Variants in ADD1 observed in about 807,000 individuals in gnomAD.
The protein encoded by ADD1 is alpha-adducin.
ADD1 carries 24 observed loss-of-function variants against 80.5 expected under a neutral mutation model. The ratio of observed to expected loss-of-function variants is 0.30; its 90% CI spans 0.22 to 0.42. The LOEUF (loss-of-function observed/expected upper bound fraction) is 0.42, where lower values mean the gene tolerates loss of function less well. Ranked by LOEUF, ADD1 falls within the 10% of genes least tolerant of loss-of-function variation. The pLI is 1.00. For synonymous variants in ADD1, 373 were observed against 393.8 expected, an observed-to-expected ratio of 0.95 and a Z score of 0.63; for missense variants, 948 against 1,019.0, an observed-to-expected ratio of 0.93 and a Z score of 0.95.
At position 2,875,954 on chromosome 4, in the gene ADD1, AC is replaced by A; in HGVS notation, c.44del (p.Pro15ArgfsTer14). The A allele has an allele frequency of 6.2e-7, 1 of 1,612,736 alleles. No homozygotes were observed. The highest frequency in any genetic ancestry group is 8.5e-7 in the Non-Finnish European group (1 of 1,179,378). On this transcript the variant is annotated frameshift_variant, in exon 2 of 16. Transcript: ENST00000683351. LOFTEE classifies it high-confidence loss of function. ...DSRAAVVTSP[P>X]PTTAPHKERY... Reference sequence around the variant, plus strand: ...CTCGTGCTGCGGTGGTGACCTCACCACCCCCGACCACAGCCCCTCACAAGGA... The same window carrying A: ...CTCGTGCTGCGGTGGTGACCTCACCACCCCGACCACAGCCCCTCACAAGGA...
rs192639041 is a variant in ADD1, at chr4:2,915,120, C to G, written c.1948+80C>G. The G allele has an allele frequency of 2.0e-5, 29 of 1,452,622 alleles. No individual in the cohort carries two copies. The Admixed American group carries it at 7.2e-4, about 36-fold the overall frequency. The allele number at this position is 1,452,622 out of a possible 1,614,324, so 90.0% of individuals were successfully genotyped here. On this transcript the variant is annotated intron_variant, in intron 14 of 15. Coordinates refer to ENST00000683351, the MANE Select transcript of ADD1 (RefSeq NM_001354761.2). ...AGCTTCTTTGTGGTCCAGGTGCTGG[C>G]TGTGGGTGGTGATAAGAATAGTCAC...
In ADD1 at chr4:2,882,105, T is replaced by C. The variant is rs79280082; in HGVS notation, c.358+45T>C. The C allele has an allele frequency of 8.6e-3, 12,932 of 1,511,396 alleles. 82 individuals carry two copies. The highest frequency in any genetic ancestry group is 0.01 in the Non-Finnish European group (11,412 of 1,128,750). The allele number at this position is 1,511,396 out of a possible 1,614,324, so 93.6% of individuals were successfully genotyped here. A position where few individuals can be genotyped will look rare whatever the true frequency, so the allele number is the denominator to read the frequency against. ...TAATATATGTTCTGTAGTTTTCAGG[T>C]AAAATTTCCTGAAGATTGCTCATGT... is the stretch of plus-strand genomic sequence containing the variant. On this transcript the variant is annotated intron_variant, in intron 3 of 15. Coordinates refer to ENST00000683351, the MANE Select transcript of ADD1 (RefSeq NM_001354761.2).
chr4:2,858,457 C>T (rs1728388906), intron 1 of ADD1, among the ~76,000 whole-genome samples: 1 of 152,168 alleles, frequency 6.6e-6, no homozygotes, highest in Admixed American at 6.5e-5. Context: ...GGGATCAGAA[C>T]CTGGGTTCTC....
chr4:2,856,055 TA>T (rs35673788), intron 1 of ADD1, among the ~76,000 whole-genome samples: 126,073 of 139,880 alleles, frequency 0.9, 56,771 homozygotes, highest in South Asian at 0.96. Context: ...AGTTCTTTTT[TA>T]AAAAAAAAAA....
At chr4:2,896,280 C>T (rs1256912151) in intron 6 of ADD1, among the ~76,000 whole-genome samples, 1 of 151,846 alleles carries the variant, frequency 6.6e-6, no homozygotes, top group Admixed American at 6.6e-5. Context: ...GCACTCTCAA[C>T]TCACTGCAAC....
intron 1 of ADD1, among the ~76,000 whole-genome samples, chr4:2,856,084 C>G (rs191529199): frequency 2.6e-4 from 39 of 147,248 alleles, no homozygotes; most frequent in Non-Finnish European, 9.0e-5. Context: ...AGAGACGAGT[C>G]TTACTATTAT....
intron 1 of ADD1, chr4:2,844,488 C>G (rs1264997957): frequency 6.6e-6 from 1 of 152,270 alleles, no homozygotes; most frequent in Non-Finnish European, 1.5e-5. Context: ...AAAGCCATAT[C>G]TGCCGACGGA....
chr4:2,852,207 C>CTTTTCTTTCCTTTCCTTT lies in ADD1; in HGVS notation c.-21+8183_-21+8184insTTTTCTTTCCTTTCCTTT, dbSNP rs1553815097. Among the ~76,000 whole-genome samples the CTTTTCTTTCCTTTCCTTT allele has an allele frequency of 2.7e-4, 18 of 66,104 alleles. 1 individual carries two copies. Among genetic ancestry groups the CTTTTCTTTCCTTTCCTTT allele is most frequent in the African/African-American group, 1.0e-3 (17 of 16,646 alleles). 43.4% of individuals were successfully genotyped at this position (66,104 alleles called of 152,430 possible). A position where few individuals can be genotyped will look rare whatever the true frequency, so the allele number is the denominator to read the frequency against. On this transcript the variant is annotated intron_variant, in intron 1 of 15. Transcript: ENST00000683351. Reference sequence around the variant, plus strand: ...CTTTCTTTCTTTCTTTCCTTTCTTTCCTTTCCTTTCTTTCCTTTCTTTCCT... The same window carrying CTTTTCTTTCCTTTCCTTT: ...CTTTCTTTCTTTCTTTCCTTTCTTTCTTTTCTTTCCTTTCCTTTCTTTCCTTTCTTTCCTTTCTTTCCT...
chr4:2,913,710 G>C (rs1418401230), intron 13 of ADD1, among the ~76,000 whole-genome samples: 1 of 151,984 alleles, frequency 6.6e-6, no homozygotes, highest in Non-Finnish European at 1.5e-5. Context: ...CGGTCGGCCT[G>C]TGTGAGTTGA....
At chr4:2,888,654 G>A (rs1347126800) in intron 4 of ADD1, among the ~76,000 whole-genome samples, 2 of 151,852 alleles carry the variant, frequency 1.3e-5, no homozygotes, top group Non-Finnish European at 2.9e-5. Flanking sequence ...CTGACCTCAA[G>A]TGATCCGCCC....
chr4:2,849,369 A>G (rs1404983059), intron 1 of ADD1, among the ~76,000 whole-genome samples: 1 of 152,188 alleles, frequency 6.6e-6, no homozygotes, highest in Non-Finnish European at 1.5e-5. Context: ...CCTCCAAAAT[A>G]CTGTTATCTG....
chr4:2,908,761 A>G, intron 12 of ADD1, 157 bp downstream of exon 12: 1 of 671,892 alleles, frequency 1.5e-6, no homozygotes, highest in Non-Finnish European at 2.6e-6. Flanking sequence ...CGGTTCAGGC[A>G]CTTTTCGTTG....
intron 10 of ADD1, 130 bp from the exon 11 acceptor site, chr4:2,907,613 G>A: frequency 1.3e-6 from 1 of 779,662 alleles, no homozygotes; most frequent in South Asian, 1.5e-5. Flanking sequence ...CAGATTAGAT[G>A]TGGTCATTGG....
chr4:2,904,783 C>G lies in ADD1; in HGVS notation c.1181C>G (p.Pro394Arg), dbSNP rs1226420893. 4 of 1,614,098 alleles carry G rather than the reference C, an allele frequency of 2.5e-6. No homozygotes were observed. The highest frequency in any genetic ancestry group is 2.2e-5 in the East Asian group (1 of 44,882). Residue 394 changes from proline to arginine, a missense_variant, in exon 10 of 16, where the codon CCT (proline) becomes CGT (arginine). Coordinates refer to ENST00000683351, the MANE Select transcript of ADD1 (RefSeq NM_001354761.2). ...CCCTAGGGCTACAGAACTGGCTACC[C>G]TTATCGATACCCTGCTCTGAGAGAG... ...LDNLGYRTGY[P>R]YRYPALREKS...
At chr4:2,900,647 T>C (rs1736020664) in intron 9 of ADD1, 1 of 152,222 alleles carries the variant, frequency 6.6e-6, no homozygotes, top group African/African-American at 2.4e-5. Context: ...AAAGTATTCA[T>C]AGGTCTGATT....
At chr4:2,923,577 C>G (rs1577742066) in intron 14 of ADD1, among the ~76,000 whole-genome samples, 1 of 152,250 alleles carries the variant, frequency 6.6e-6, no homozygotes, top group East Asian at 1.9e-4. Flanking sequence ...GGAGCTGTTC[C>G]TATTCGGCCA....
Position 2,876,036 on chromosome 4 carries a change from A to T in ADD1, c.121A>T (p.Met41Leu). 6.2e-7 allele frequency: 1 copy of T among 1,614,194 alleles called. No homozygotes were observed. Among genetic ancestry groups the T allele is most frequent in the East Asian group, 2.2e-5 (1 of 44,886 alleles). Residue 41 changes from methionine (M) to leucine (L), a missense_variant, in exon 2 of 16, where the codon ATG (methionine) becomes TTG (leucine). Physicochemically the swap from Met to Leu is conservative, Grantham distance 15. Transcript: ENST00000683351. ...NNPEYLRERN[M>L]APDLRQDFNM... ...CCCAGAGTACTTGAGGGAGAGGAAC[A>T]TGGCACCAGACCTTCGCCAGGACTT...
chr4:2,891,809 G>A (rs1363430868), intron 4 of ADD1, among the ~76,000 whole-genome samples: 2 of 152,164 alleles, frequency 1.3e-5, no homozygotes, highest in African/African-American at 2.4e-5. Flanking sequence ...ACCCTGTTAT[G>A]CTCTACAGAG....
chr4:2,854,229 C>T (rs1433034188), intron 1 of ADD1, among the ~76,000 whole-genome samples: 4 of 152,110 alleles, frequency 2.6e-5, no homozygotes, highest in Non-Finnish European at 4.4e-5. Flanking sequence ...GAGGCTGAGG[C>T]AGGAGCATTG....
Sources: gnomAD v4.1 joint callset for allele counts (sites outside exome capture counted in the v4.1 genomes callset) on GRCh38, gnomAD v4.1.1 for gene constraint, MANE v1.5 for transcripts, NCBI Gene and HGNC (gene_info 2026-07-23, HGNC 2026-07-21) for gene names.